The following PSMD2 variants were observed in gnomAD, a reference collection of about 807,000 sequenced individuals.
The protein encoded by PSMD2 is proteasome 26S subunit ubiquitin receptor, non-ATPase 2.
PSMD2 carries 8 observed loss-of-function variants against 101.5 expected under a neutral mutation model. That is an observed-to-expected ratio of 0.08 (90% CI 0.05 to 0.14). The LOEUF (loss-of-function observed/expected upper bound fraction) is 0.14. PSMD2 is among the 10% of genes least tolerant of loss of function. The pLI is 1.00. For missense variants in PSMD2, 784 were observed against 1,147.4 expected, an observed-to-expected ratio of 0.68 and a Z score of 4.58; for synonymous variants, 418 against 433.8, an observed-to-expected ratio of 0.96 and a Z score of 0.45.
At chr3:184,306,278 TCTC>T (rs1367094561) in intron 14 of PSMD2, 69 bp from the exon 15 acceptor site, 6 of 1,592,098 alleles carry the variant, frequency 3.8e-6, no homozygotes, top group South Asian at 1.1e-5. Flanking sequence ...TCTTTAGACT[TCTC>T]CTGTTTTCCA....
chr3:184,303,599 A>G, intron 9 of PSMD2, 44 bp from the exon 10 acceptor site: 1 of 1,612,258 alleles, frequency 6.2e-7, no homozygotes, highest in Non-Finnish European at 8.5e-7. Flanking sequence ...CAGGATCCTC[A>G]GGATAGGGCC....
intron 15 of PSMD2, 58 bp downstream of exon 15, chr3:184,306,553 G>A (rs1375384773): frequency 1.3e-6 from 2 of 1,574,094 alleles, no homozygotes; most frequent in African/African-American, 1.4e-5. Context: ...AGCATATAGG[G>A]GAGGCTGGGT....
chr3:184,299,243 A>G lies in PSMD2; in HGVS notation c.-24A>G. The G allele has an allele frequency of 7.7e-7, 1 of 1,305,084 alleles. No homozygotes were observed. Among genetic ancestry groups the G allele is most frequent in the Non-Finnish European group, 9.7e-7 (1 of 1,028,598 alleles). 80.8% of individuals were successfully genotyped at this position (1,305,084 alleles called of 1,614,324 possible). ...GGGCGGTGCGAGCGGGTGCGCGCGC[A>G]GCGGGCCGGCAGTGGCGGCGGAGAT... On this transcript the variant is annotated 5_prime_UTR_variant, in exon 1 of 21. Transcript: ENST00000310118.
Position 184,304,426 on chromosome 3 carries a change from G to C in PSMD2, c.1539+35G>C. The C allele has an allele frequency of 6.3e-7, 1 of 1,587,412 alleles. No individual in the cohort carries two copies. Among genetic ancestry groups the C allele is most frequent in the South Asian group, 1.1e-5 (1 of 90,512 alleles). On this transcript the variant is annotated intron_variant, in intron 12 of 20. Coordinates refer to ENST00000310118, the MANE Select transcript of PSMD2 (RefSeq NM_002808.5). The surrounding 1 kb of genome is among the most constrained non-coding windows in gnomAD (Gnocchi z 4.1). ...GGCTATTGAGCATTTAGAGTAAGTAGGGAAGGTGCTTTGAGTCTTACTTTC... is the reference window on the plus strand; with the variant it reads ...GGCTATTGAGCATTTAGAGTAAGTACGGAAGGTGCTTTGAGTCTTACTTTC...
rs1269429919 is a variant in PSMD2 at position 184,302,739 on chromosome 3, T to C, written c.924T>C (p.Ser308=). ...LGRHGVFLEL[S]EDVEEYEDLT... ...GGCATGGGGTGTTCCTGGAGCTGAGTGAAGATGTCGAGGAGTATGAGGACC... is the reference window on the plus strand; with the variant it reads ...GGCATGGGGTGTTCCTGGAGCTGAGCGAAGATGTCGAGGAGTATGAGGACC... Residue 308 remains serine, a synonymous_variant, in exon 7 of 21, where the codon AGT becomes AGC. Transcript: ENST00000310118. 6.2e-7 allele frequency: 1 copy of C among 1,614,052 alleles called. No individual in the cohort carries two copies. The highest frequency in any genetic ancestry group is 8.5e-7 in the Non-Finnish European group (1 of 1,180,008).
Position 184,301,998 on chromosome 3 carries a change from A to G in PSMD2, c.631A>G (p.Ile211Val). 1 of 1,614,236 alleles carries G rather than the reference A, an allele frequency of 6.2e-7. No homozygotes were observed. The highest frequency in any genetic ancestry group is 8.5e-7 in the Non-Finnish European group (1 of 1,180,052). ...TGAGGCTTGCGACCTGCTTATGGAA[A>G]TTGAGCAGGTGGACATGCTGGAGAA... ...EHEACDLLME[I>V]EQVDMLEKDI... The change falls in exon 5 of 21, where the codon ATT becomes GTT. Residue 211 changes from isoleucine (I) to valine (V), a missense_variant. Coordinates refer to ENST00000310118, the MANE Select transcript of PSMD2 (RefSeq NM_002808.5).
chr3:184,299,278 A>G lies in PSMD2; in HGVS notation c.12A>G (p.Gly4=). The G allele has an allele frequency of 7.4e-7, 1 of 1,354,134 alleles. No individual in the cohort carries two copies. The highest frequency in any genetic ancestry group is 1.7e-5 in the South Asian group (1 of 59,188). The allele number at this position is 1,354,134 out of a possible 1,614,324, so 83.9% of individuals were successfully genotyped here. ...CAGTGGCGGCGGAGATGGAGGAGGG[A>G]GGCCGGGACAAGGCGCCGGTGCAGC... is the stretch of plus-strand genomic sequence containing the variant. MEE[G]GRDKAPVQPQ... Residue 4 remains glycine (G), a synonymous_variant, in exon 1 of 21, where the codon GGA becomes GGG. Coordinates refer to ENST00000310118, the MANE Select transcript of PSMD2 (RefSeq NM_002808.5).
At chr3:184,301,070 C>A (rs1277259653) in intron 3 of PSMD2, among the ~76,000 whole-genome samples, 1 of 152,002 alleles carries the variant, frequency 6.6e-6, no homozygotes, top group Admixed American at 6.6e-5. Context: ...GTGGCTCACA[C>A]CTGTAACCCT....
Position 184,300,357 on chromosome 3 carries a change from T to G in PSMD2, c.270T>G (p.Thr90=). Residue 90 remains threonine, a synonymous_variant, in exon 3 of 21, where the codon ACT becomes ACG. Transcript: ENST00000310118. ...TTCGTTCTTCTACAACTTCCATGAC[T>G]TCAGTGCCCAAGCCTCTCAAATTTC... ...RQIRSSTTSM[T]SVPKPLKFLR... The G allele has an allele frequency of 6.2e-7, 1 of 1,613,900 alleles. No homozygotes were observed. Among genetic ancestry groups the G allele is most frequent in the South Asian group, 1.1e-5 (1 of 91,076 alleles).
chr3:184,303,654 G>A lies in PSMD2; in HGVS notation c.1228G>A (p.Ala410Thr), dbSNP rs1252734258. The A allele has an allele frequency of 6.2e-7, 1 of 1,614,228 alleles. No individual in the cohort carries two copies. Among genetic ancestry groups the A allele is most frequent in the Non-Finnish European group, 8.5e-7 (1 of 1,180,046 alleles). Residue 410 changes from alanine to threonine, a missense_variant, in exon 10 of 21, where the codon GCA becomes ACA. Around this residue, in one of 6 missense-constraint regions of PSMD2, gnomAD observed 37 missense variants for 107.0 expected, o/e 0.35. Transcript: ENST00000310118. ...CTTCCCTGGTATAGGAATGTTGAGTGCAGCTGCATCTCTTGGGATGATTCT... is the reference window on the plus strand; with the variant it reads ...CTTCCCTGGTATAGGAATGTTGAGTACAGCTGCATCTCTTGGGATGATTCT... Reference protein sequence around the residue: ...YKNKDHGMLSAAASLGMILLW... With the variant: ...YKNKDHGMLSTAASLGMILLW...
Position 184,304,050 on chromosome 3 carries a change from C to G in PSMD2, c.1427C>G (p.Thr476Ser). ...GACTATGTTCTCCACAACAGCAACA[C>G]CATGAGACTTGGTTCCATCTTTGGG... ...LSDYVLHNSNTMRLGSIFGLG... is the reference protein window; with the variant it reads ...LSDYVLHNSNSMRLGSIFGLG... The change falls in exon 11 of 21, where the codon ACC becomes AGC. Residue 476 changes from threonine to serine, a missense_variant. Around this residue, in one of 6 missense-constraint regions of PSMD2, gnomAD observed 282 missense variants for 437.6 expected, o/e 0.64. Coordinates refer to ENST00000310118, the MANE Select transcript of PSMD2 (RefSeq NM_002808.5). This position sits in a 1 kb window ranked among gnomAD's most constrained non-coding sequence, Gnocchi z 4.1. 6.2e-7 allele frequency: 1 copy of G among 1,614,190 alleles called. No individual in the cohort carries two copies. Among genetic ancestry groups the G allele is most frequent in the Non-Finnish European group, 8.5e-7 (1 of 1,180,030 alleles).
intron 5 of PSMD2, 110 bp from the exon 6 acceptor site, chr3:184,302,260 A>G: frequency 1.6e-6 from 2 of 1,256,792 alleles, no homozygotes; most frequent in Non-Finnish European, 2.2e-6. Context: ...CATCTAGCAC[A>G]GTGCCTGGTG....
In PSMD2 at chr3:184,306,358, A is replaced by C. The variant is rs754812167; in HGVS notation, c.1813A>C (p.Asn605His). The stretch of plus-strand genomic sequence containing the variant: ...TCACCACCCTGACGCAGGCTCTGGG[A>C]ATGTGCTGAAGGTGCAGCAGCTGCT... ...VDVCAYAGSGNVLKVQQLLHI... is the reference protein window; with the variant it reads ...VDVCAYAGSGHVLKVQQLLHI... The change falls in exon 15 of 21, where the codon AAT becomes CAT. Residue 605 changes from asparagine (N) to histidine (H), a missense_variant. By Grantham distance (68) the Asn-to-His change is moderately conservative. This residue lies in a region of PSMD2 where 282 missense variants were observed against 437.6 expected (regional missense o/e 0.64). Transcript: ENST00000310118. 1 of 1,613,914 alleles carries C rather than the reference A, an allele frequency of 6.2e-7. No individual in the cohort carries two copies.
In PSMD2 at chr3:184,304,207, T is replaced by G; in HGVS notation, c.1452-97T>G. ...GGGTATCTGGCTCTTGGTGAATGTT[T>G]GTTGAAATGGTGAATGAATGACCGA... On this transcript the variant is annotated intron_variant, in intron 11 of 20. Transcript: ENST00000310118. This position sits in a 1 kb window ranked among gnomAD's most constrained non-coding sequence, Gnocchi z 4.1. 1 of 1,555,116 alleles carries G rather than the reference T, an allele frequency of 6.4e-7. No homozygotes were observed. The highest frequency in any genetic ancestry group is 8.9e-7 in the Non-Finnish European group (1 of 1,126,850).
In PSMD2 at chr3:184,308,351, T is replaced by G; in HGVS notation, c.2426-98T>G. 1 of 999,984 alleles carries G rather than the reference T, an allele frequency of 1.0e-6. No homozygotes were observed. Among genetic ancestry groups the G allele is most frequent in the Non-Finnish European group, 1.5e-6 (1 of 671,312 alleles). The allele number at this position is 999,984 out of a possible 1,614,324, so 61.9% of individuals were successfully genotyped here. A position where few individuals can be genotyped will look rare whatever the true frequency, so the allele number is the denominator to read the frequency against. On this transcript the variant is annotated intron_variant, in intron 19 of 20. Coordinates refer to ENST00000310118, the MANE Select transcript of PSMD2 (RefSeq NM_002808.5). The surrounding 1 kb of genome is among the most constrained non-coding windows in gnomAD (Gnocchi z 6.0). ...AGGAGTGTGGATTCAGTCGTATGACTGACGGGTTAAAGGGTCAGCGCTGAG... is the reference window on the plus strand; with the variant it reads ...AGGAGTGTGGATTCAGTCGTATGACGGACGGGTTAAAGGGTCAGCGCTGAG...
Position 184,303,304 on chromosome 3 carries a change from C to T in PSMD2, c.1070-16C>T, listed in dbSNP as rs775454168. On this transcript the variant is annotated splice_polypyrimidine_tract_variant and intron_variant, in intron 8 of 20. Transcript: ENST00000310118. ...GAAACCTTCTTTCCTTACTTTTCCT[C>T]TCCCTCCTGTTGCAGGGTTTGGGGG... 2 of 1,606,158 alleles carry T rather than the reference C, an allele frequency of 1.2e-6. No individual in the cohort carries two copies. The highest frequency in any genetic ancestry group is 1.7e-6 in the Non-Finnish European group (2 of 1,177,524).
intron 2 of PSMD2, 50 bp downstream of exon 2, chr3:184,299,957 T>A (rs1721589550): frequency 6.4e-7 from 1 of 1,556,572 alleles, no homozygotes; most frequent in Admixed American, 1.7e-5. Flanking sequence ...TCTTTCCCAC[T>A]TGTTTTATTC....
intron 1 of PSMD2, 48 bp downstream of exon 1, chr3:184,299,449 C>G: frequency 7.6e-7 from 1 of 1,312,642 alleles, no homozygotes. Flanking sequence ...GGGGCTGAGT[C>G]ACGGCGGCTC....
rs566976485 is a variant in PSMD2, at chr3:184,308,989, C to T, written c.*99C>T. 1.3e-5 allele frequency: 16 copies of T among 1,247,422 alleles called. No individual in the cohort carries two copies. The highest frequency in any genetic ancestry group is 3.0e-5 in the African/African-American group (2 of 66,874). 77.3% of individuals were successfully genotyped at this position (1,247,422 alleles called of 1,614,324 possible). A position where few individuals can be genotyped will look rare whatever the true frequency, so the allele number is the denominator to read the frequency against. ...GGCTGCAGACTTCTGGGGGAATTGTCGCCTCCTGCTCTTTTGTTACTGAGT... is the reference window on the plus strand; with the variant it reads ...GGCTGCAGACTTCTGGGGGAATTGTTGCCTCCTGCTCTTTTGTTACTGAGT... On this transcript the variant is annotated 3_prime_UTR_variant, in exon 21 of 21. Transcript: ENST00000310118. The surrounding 1 kb of genome is among the most constrained non-coding windows in gnomAD (Gnocchi z 6.0).
Sources: gnomAD v4.1 joint callset for allele counts (sites outside exome capture counted in the v4.1 genomes callset) on GRCh38, gnomAD v4.1.1 for gene constraint, gnomAD v4.1.1 regional missense constraint, Gnocchi (gnomAD v3.1) non-coding constraint, MANE v1.5 for transcripts, NCBI Gene and HGNC (gene_info 2026-07-23, HGNC 2026-07-21) for gene names.